The following TOR4A variants were observed in gnomAD, a reference collection of about 807,000 sequenced individuals.
TOR4A encodes torsin-4A.
In TOR4A, 12 loss-of-function variants were observed where a neutral mutation model predicts 11.5. That is an observed-to-expected ratio of 1.04 (90% CI 0.67 to 1.69). The LOEUF is 1.69. TOR4A is among the 40% of genes most tolerant of loss of function. The pLI is 0.00. For missense variants in TOR4A, 640 were observed against 643.2 expected, an observed-to-expected ratio of 0.99 and a Z score of 0.05; for synonymous variants, 362 against 307.4, an observed-to-expected ratio of 1.18 and a Z score of -1.86.
rs1360996305 is a variant in TOR4A at position 137,279,559 on chromosome 9, C to T, written c.870C>T (p.His290=). 6 of 1,584,898 alleles carry T rather than the reference C, an allele frequency of 3.8e-6. No homozygotes were observed. Among genetic ancestry groups the T allele is most frequent in the Non-Finnish European group, 5.1e-6 (6 of 1,169,114 alleles). Residue 290 remains histidine, a synonymous_variant, in exon 2 of 2, where the codon CAC becomes CAT. Transcript: ENST00000357503. ...TCCTGCAGCCGCAGCGCTCCCACCACTTCCACAACGCCATCTACGTGCTCC... is the reference window on the plus strand; with the variant it reads ...TCCTGCAGCCGCAGCGCTCCCACCATTTCCACAACGCCATCTACGTGCTCC... ...HGFLQPQRSH[H]FHNAIYVLLS...
rs1285056699 is a variant in TOR4A at position 137,282,026 on chromosome 9, C to T, written c.*2065C>T. Reference sequence around the variant, plus strand: ...GGTGAATGTTGGGGTGCCCACTGCTCCCCAGGCAGGACCCCCAGGACTGTC... The same window carrying T: ...GGTGAATGTTGGGGTGCCCACTGCTTCCCAGGCAGGACCCCCAGGACTGTC... On this transcript the variant is annotated 3_prime_UTR_variant, in exon 2 of 2. Transcript: ENST00000357503. 1 of 167,106 alleles carries T rather than the reference C, an allele frequency of 6.0e-6. No individual in the cohort carries two copies. The highest frequency in any genetic ancestry group is 1.5e-5 in the Non-Finnish European group (1 of 68,152). The allele number at this position is 167,106 out of a possible 1,614,324, so 10.4% of individuals were successfully genotyped here.
chr9:137,280,127 A>G lies in TOR4A; in HGVS notation c.*166A>G, dbSNP rs1479679849. 1.4e-5 allele frequency: 11 copies of G among 780,178 alleles called. No individual in the cohort carries two copies. The highest frequency in any genetic ancestry group is 2.0e-5 in the Non-Finnish European group (10 of 490,996). 48.3% of individuals were successfully genotyped at this position (780,178 alleles called of 1,614,324 possible). ...GCTTCCAGGTCCACACCCGCCTCAGAGTCCGGAGTCTGTCCCTGGGGGCGG... is the reference window on the plus strand; with the variant it reads ...GCTTCCAGGTCCACACCCGCCTCAGGGTCCGGAGTCTGTCCCTGGGGGCGG... On this transcript the variant is annotated 3_prime_UTR_variant, in exon 2 of 2. Transcript: ENST00000357503.
chr9:137,280,014 A>G lies in TOR4A; in HGVS notation c.*53A>G. The G allele has an allele frequency of 6.6e-7, 1 of 1,506,214 alleles. No individual in the cohort carries two copies. The highest frequency in any genetic ancestry group is 8.9e-7 in the Non-Finnish European group (1 of 1,119,108). 93.3% of individuals were successfully genotyped at this position (1,506,214 alleles called of 1,614,324 possible). A position where few individuals can be genotyped will look rare whatever the true frequency, so the allele number is the denominator to read the frequency against. On this transcript the variant is annotated 3_prime_UTR_variant, in exon 2 of 2. Coordinates refer to ENST00000357503, the MANE Select transcript of TOR4A (RefSeq NM_017723.3). ...TGATGGCGGCAGTAGGAGGGCGACC[A>G]GGGACCTTGTGGGCTGGTGCAGGCC...
chr9:137,278,764 C>A lies in TOR4A; in HGVS notation c.75C>A (p.Pro25=). Residue 25 remains proline, a synonymous_variant, in exon 2 of 2, where the codon CCC becomes CCA. Coordinates refer to ENST00000357503, the MANE Select transcript of TOR4A (RefSeq NM_017723.3). ...CCTCGGGCCGGTGCGTGATCGCGCC[C>A]GTGCGCGCTGTGCTCCGCCTGCGCC... ...PRASGRCVIA[P]VRAVLRLRRR... is the part of the protein sequence containing the mutation. The A allele has an allele frequency of 7.0e-7, 1 of 1,427,392 alleles. No homozygotes were observed. The highest frequency in any genetic ancestry group is 1.4e-5 in the South Asian group (1 of 69,110). 88.4% of individuals were successfully genotyped at this position (1,427,392 alleles called of 1,614,324 possible).
chr9:137,278,725 C>T lies in TOR4A; in HGVS notation c.36C>T (p.Ala12=). Residue 12 remains alanine, a synonymous_variant, in exon 2 of 2, where the codon GCC becomes GCT. Transcript: ENST00000357503. ...DRGQPSLEPA[A]AAPRASGRCV... is the part of the protein sequence containing the mutation. ...GCCAGCCCAGCCTGGAGCCTGCTGCCGCGGCCCCCCGAGCCTCGGGCCGGT... is the reference window on the plus strand; with the variant it reads ...GCCAGCCCAGCCTGGAGCCTGCTGCTGCGGCCCCCCGAGCCTCGGGCCGGT... 1.5e-6 allele frequency: 2 copies of T among 1,374,220 alleles called. No individual in the cohort carries two copies. The highest frequency in any genetic ancestry group is 1.9e-6 in the Non-Finnish European group (2 of 1,070,574). The allele number at this position is 1,374,220 out of a possible 1,614,324, so 85.1% of individuals were successfully genotyped here.
In TOR4A at chr9:137,279,265, G is replaced by A; in HGVS notation, c.576G>A (p.Leu192=). 1 of 1,535,302 alleles carries A rather than the reference G, an allele frequency of 6.5e-7. No homozygotes were observed. ...ACAGTCGTCCGCTCCTCCTGGCGCTGCACGGGCCCAGTGGCGTGGGCAAGA... is the reference window on the plus strand; with the variant it reads ...ACAGTCGTCCGCTCCTCCTGGCGCTACACGGGCCCAGTGGCGTGGGCAAGA... The part of the protein sequence containing the change: ...HVHSRPLLLA[L]HGPSGVGKSH... The change falls in exon 2 of 2, where the codon CTG becomes CTA. Residue 192 remains leucine (L), a synonymous_variant. Coordinates refer to ENST00000357503, the MANE Select transcript of TOR4A (RefSeq NM_017723.3).
rs1181735232 is a variant in TOR4A, at chr9:137,279,130, C to T, written c.441C>T (p.Arg147=). Residue 147 remains arginine (R), a synonymous_variant, in exon 2 of 2, where the codon CGC becomes CGT. Coordinates refer to ENST00000357503, the MANE Select transcript of TOR4A (RefSeq NM_017723.3). The stretch of plus-strand genomic sequence containing the variant: ...AGAACCTGGACGATAACGCGCAGCG[C>T]TATGACCTCGACGGGCTGGAGAAAG... ...AIENLDDNAQ[R]YDLDGLEKAL... is the part of the protein sequence containing the mutation. 1.9e-6 allele frequency: 3 copies of T among 1,586,382 alleles called. No homozygotes were observed. The highest frequency in any genetic ancestry group is 2.6e-6 in the Non-Finnish European group (3 of 1,166,830).
chr9:137,279,115 C>T lies in TOR4A; in HGVS notation c.426C>T (p.Asp142=). 3 of 1,593,490 alleles carry T rather than the reference C, an allele frequency of 1.9e-6. No individual in the cohort carries two copies. The highest frequency in any genetic ancestry group is 1.7e-6 in the Non-Finnish European group (2 of 1,170,312). The change falls in exon 2 of 2, where the codon GAC becomes GAT. Residue 142 remains aspartate, a synonymous_variant. Coordinates refer to ENST00000357503, the MANE Select transcript of TOR4A (RefSeq NM_017723.3). ...TTCTCAACGCTATCGAGAACCTGGACGATAACGCGCAGCGCTATGACCTCG... is the reference window on the plus strand; with the variant it reads ...TTCTCAACGCTATCGAGAACCTGGATGATAACGCGCAGCGCTATGACCTCG... ...FQVLNAIENL[D]DNAQRYDLDG...
intron 1 of TOR4A, among the ~76,000 whole-genome samples, chr9:137,278,437 T>A (rs2118999522): frequency 6.8e-6 from 1 of 146,262 alleles, no homozygotes; most frequent in South Asian, 2.2e-4. Flanking sequence ...GAGATTTGCA[T>A]CGGGGCCCTG....
Position 137,279,650 on chromosome 9 carries a change from C to T in TOR4A, c.961C>T (p.Leu321=), listed in dbSNP as rs957655666. 44 of 1,562,836 alleles carry T rather than the reference C, an allele frequency of 2.8e-5. No individual in the cohort carries two copies. Among genetic ancestry groups the T allele is most frequent in the Non-Finnish European group, 3.7e-5 (43 of 1,159,712 alleles). ...VLQNASRALP[L]RPDGFRSAEA... The stretch of plus-strand genomic sequence containing the variant: ...GCAGAACGCGTCCCGCGCGCTGCCC[C>T]TGCGCCCCGACGGCTTCCGCAGTGC... The change falls in exon 2 of 2, where the codon CTG becomes TTG. Residue 321 remains leucine (L), a synonymous_variant. Transcript: ENST00000357503.
rs1196000497 is a variant in TOR4A at position 137,281,076 on chromosome 9, C to T, written c.*1115C>T. The T allele has an allele frequency of 6.2e-6, 1 of 161,576 alleles. No individual in the cohort carries two copies. 10.0% of individuals were successfully genotyped at this position (161,576 alleles called of 1,614,324 possible). A position where few individuals can be genotyped will look rare whatever the true frequency, so the allele number is the denominator to read the frequency against. ...TTCTGTGGTCGCCGGGGGCTGAGCG[C>T]GCGGCTGGGCCCTGAGTCCCCCAGG... On this transcript the variant is annotated 3_prime_UTR_variant, in exon 2 of 2. Transcript: ENST00000357503.
Position 137,279,824 on chromosome 9 carries a change from A to G in TOR4A, c.1135A>G (p.Met379Val), listed in dbSNP as rs1186167263. The G allele has an allele frequency of 3.8e-6, 6 of 1,598,458 alleles. No individual in the cohort carries two copies. The highest frequency in any genetic ancestry group is 1.3e-5 in the African/African-American group (1 of 74,828). ...RDVVSCFRDE[M>V]AGEGFFPDQA... ...TGTGGTCAGCTGCTTCCGGGACGAG[A>G]TGGCGGGTGAGGGCTTCTTTCCTGA... The change falls in exon 2 of 2, where the codon ATG becomes GTG. Residue 379 changes from methionine to valine, a missense_variant. Physicochemically the swap from Met to Val is conservative, Grantham distance 21. Transcript: ENST00000357503.
At position 137,279,183 on chromosome 9, in the gene TOR4A, C is replaced by T. The variant is rs1588194893; in HGVS notation, c.494C>T (p.Pro165Leu). 2 of 1,557,510 alleles carry T rather than the reference C, an allele frequency of 1.3e-6. No individual in the cohort carries two copies. Among genetic ancestry groups the T allele is most frequent in the African/African-American group, 1.4e-5 (1 of 73,508 alleles). ...KALQRAVFGQ[P>L]AAVSRIVALM... Reference sequence around the variant, plus strand: ...CTGCAGCGCGCGGTGTTCGGCCAGCCCGCTGCCGTATCGCGCATCGTGGCG... The same window carrying T: ...CTGCAGCGCGCGGTGTTCGGCCAGCTCGCTGCCGTATCGCGCATCGTGGCG... The change falls in exon 2 of 2, where the codon CCC (proline) becomes CTC (leucine). Residue 165 changes from proline to leucine, a missense_variant. Coordinates refer to ENST00000357503, the MANE Select transcript of TOR4A (RefSeq NM_017723.3).
chr9:137,278,693 G>A lies in TOR4A; in HGVS notation c.4G>A (p.Asp2Asn). 1.5e-6 allele frequency: 2 copies of A among 1,345,290 alleles called. No individual in the cohort carries two copies. Among genetic ancestry groups the A allele is most frequent in the Non-Finnish European group, 1.9e-6 (2 of 1,052,592 alleles). The allele number at this position is 1,345,290 out of a possible 1,614,324, so 83.3% of individuals were successfully genotyped here. A position where few individuals can be genotyped will look rare whatever the true frequency, so the allele number is the denominator to read the frequency against. The change falls in exon 2 of 2, where the codon GAC becomes AAC. Residue 2 changes from aspartate to asparagine, a missense_variant. Asp to Asn is a conservative substitution (Grantham distance 23). Coordinates refer to ENST00000357503, the MANE Select transcript of TOR4A (RefSeq NM_017723.3). ...TGCGGAGCGCCGTTCCTGCGACATG[G>A]ACCGCGGCCAGCCCAGCCTGGAGCC... is the stretch of plus-strand genomic sequence containing the variant. Reference protein sequence around the residue: MDRGQPSLEPAA... With the variant: MNRGQPSLEPAA...
rs548834153 is a variant in TOR4A at position 137,279,409 on chromosome 9, C to G, written c.720C>G (p.Arg240=). The change falls in exon 2 of 2, where the codon CGC becomes CGG. Residue 240 remains arginine, a synonymous_variant. Transcript: ENST00000357503. ...AGGCGCGCGCCGCACAGGACTGCCG[C>G]GAGGAGCTGGCGCGGCGCGTGGCCG... ...CPEARAAQDC[R]EELARRVADV... The G allele has an allele frequency of 6.5e-7, 1 of 1,533,968 alleles. No individual in the cohort carries two copies. Among genetic ancestry groups the G allele is most frequent in the African/African-American group, 1.4e-5 (1 of 72,430 alleles).
In TOR4A at chr9:137,279,740, G is replaced by C; in HGVS notation, c.1051G>C (p.Glu351Gln). ...RASLLAVLSR[E>Q]HPLWQAAAIV... ...CAGCCTGCTGGCTGTGCTGTCCCGG[G>C]AGCATCCGCTGTGGCAGGCCGCGGC... is the stretch of plus-strand genomic sequence containing the variant. Residue 351 changes from glutamate to glutamine, a missense_variant, in exon 2 of 2, where the codon GAG (glutamate) becomes CAG (glutamine). Physicochemically the swap from Glu to Gln is conservative, Grantham distance 29 (BLOSUM62 2). Transcript: ENST00000357503. 6.3e-7 allele frequency: 1 copy of C among 1,582,274 alleles called. No homozygotes were observed. The highest frequency in any genetic ancestry group is 1.1e-5 in the South Asian group (1 of 88,388).
rs1412788523 is a variant in TOR4A, at chr9:137,282,392, G to A, written c.*2431G>A. On this transcript the variant is annotated 3_prime_UTR_variant, in exon 2 of 2. Transcript: ENST00000357503. ...ATTTTTTTGTATTGTTGGTAGAGACGGTGATTCACTATGTTGGCCAGGCTA... is the reference window on the plus strand; with the variant it reads ...ATTTTTTTGTATTGTTGGTAGAGACAGTGATTCACTATGTTGGCCAGGCTA... 1 of 156,408 alleles carries A rather than the reference G, an allele frequency of 6.4e-6. No individual in the cohort carries two copies. Among genetic ancestry groups the A allele is most frequent in the African/African-American group, 2.4e-5 (1 of 41,386 alleles). 9.7% of individuals were successfully genotyped at this position (156,408 alleles called of 1,614,324 possible).
At position 137,279,283 on chromosome 9, in the gene TOR4A, G is replaced by A; in HGVS notation, c.594G>A (p.Val198=). ...TGGCGCTGCACGGGCCCAGTGGCGTGGGCAAGAGCCACGTGGGCCGCCTGC... is the reference window on the plus strand; with the variant it reads ...TGGCGCTGCACGGGCCCAGTGGCGTAGGCAAGAGCCACGTGGGCCGCCTGC... ...LLLALHGPSG[V]GKSHVGRLLA... Residue 198 remains valine, a synonymous_variant, in exon 2 of 2, where the codon GTG becomes GTA. Transcript: ENST00000357503. 6.5e-7 allele frequency: 1 copy of A among 1,535,236 alleles called. No homozygotes were observed. Among genetic ancestry groups the A allele is most frequent in the Non-Finnish European group, 8.7e-7 (1 of 1,145,134 alleles).
chr9:137,279,281 G>C lies in TOR4A; in HGVS notation c.592G>C (p.Val198Leu), dbSNP rs1830685139. Reference protein sequence around the residue: ...LLLALHGPSGVGKSHVGRLLA... With the variant: ...LLLALHGPSGLGKSHVGRLLA... The stretch of plus-strand genomic sequence containing the variant: ...CCTGGCGCTGCACGGGCCCAGTGGC[G>C]TGGGCAAGAGCCACGTGGGCCGCCT... The change falls in exon 2 of 2, where the codon GTG becomes CTG. Residue 198 changes from valine (V) to leucine (L), a missense_variant. Transcript: ENST00000357503. 6.5e-7 allele frequency: 1 copy of C among 1,534,960 alleles called. No individual in the cohort carries two copies. Among genetic ancestry groups the C allele is most frequent in the Non-Finnish European group, 8.7e-7 (1 of 1,144,994 alleles).
Sources: allele counts gnomAD v4.1 joint callset (sites outside exome capture counted in the v4.1 genomes callset), GRCh38; gene constraint gnomAD v4.1.1; transcripts MANE v1.5; gene names NCBI Gene and HGNC (gene_info 2026-07-23, HGNC 2026-07-21).